The following PPP4R4 variants were observed in gnomAD, a reference collection of about 807,000 sequenced individuals.
PPP4R4 encodes protein phosphatase 4 regulatory subunit 4.
Under a neutral mutation model 121.8 loss-of-function variants are expected in PPP4R4, and 70 were observed. The observed-to-expected ratio is 0.57, with a 90% CI of 0.47 to 0.70. PPP4R4 has a LOEUF of 0.70. PPP4R4 is among the 30% of genes least tolerant of loss of function. The pLI is 0.00. For synonymous variants in PPP4R4, 348 were observed against 355.7 expected (o/e 0.98, Z 0.24); for missense variants, 875 against 1,033.6 (o/e 0.85, Z 2.10).
intron 14 of PPP4R4, among the ~76,000 whole-genome samples, chr14:94,248,226 A>G (rs2139590451): frequency 6.6e-6 from 1 of 152,322 alleles, no homozygotes; most frequent in East Asian, 1.9e-4. Context: ...TTCAGGTTGC[A>G]AAACCAGTGT....
At chr14:94,267,654 A>G (rs1404761396) in intron 23 of PPP4R4, among the ~76,000 whole-genome samples, 1 of 152,222 alleles carries the variant, frequency 6.6e-6, no homozygotes, top group Admixed American at 6.5e-5. Context: ...ACTATAAATA[A>G]TGTAGACTAT....
chr14:94,203,416 T>C (rs1890296529), intron 2 of PPP4R4, among the ~76,000 whole-genome samples: 1 of 152,190 alleles, frequency 6.6e-6, no homozygotes, highest in Non-Finnish European at 1.5e-5. Flanking sequence ...TTCCACAGTA[T>C]GGTGTACTAC....
chr14:94,241,987 G>A (rs376290327), intron 10 of PPP4R4, 30 bp downstream of exon 10: 1 of 1,538,122 alleles, frequency 6.5e-7, no homozygotes, highest in African/African-American at 1.4e-5. Flanking sequence ...ATTTACTGAG[G>A]ATTTTTATTA....
At chr14:94,208,939 T>C (rs1375014156) in intron 3 of PPP4R4, among the ~76,000 whole-genome samples, 1 of 151,892 alleles carries the variant, frequency 6.6e-6, no homozygotes, top group Non-Finnish European at 1.5e-5. Flanking sequence ...TGAGCTGATA[T>C]TCCTAATAAT....
chr14:94,252,915 AGC>A (rs1893262044), intron 16 of PPP4R4, among the ~76,000 whole-genome samples: 1 of 152,242 alleles, frequency 6.6e-6, no homozygotes, highest in Non-Finnish European at 1.5e-5. Context: ...TGAGATAATA[AGC>A]TAACTGAGAT....
intron 14 of PPP4R4, among the ~76,000 whole-genome samples, chr14:94,248,551 A>C (rs960142807): frequency 6.6e-6 from 1 of 152,206 alleles, no homozygotes; most frequent in African/African-American, 2.4e-5. Flanking sequence ...GAATTAAAAA[A>C]ATTATTTTAA....
intron 7 of PPP4R4, among the ~76,000 whole-genome samples, chr14:94,236,999 G>A (rs1380481103): frequency 6.6e-6 from 1 of 152,034 alleles, no homozygotes; most frequent in Non-Finnish European, 1.5e-5. Flanking sequence ...GAAACAAAAT[G>A]TTGAATACAA....
chr14:94,228,497 T>C (rs910424527), intron 3 of PPP4R4, among the ~76,000 whole-genome samples: 2 of 152,174 alleles, frequency 1.3e-5, no homozygotes, highest in Non-Finnish European at 2.9e-5. Flanking sequence ...GTCCAAATCA[T>C]GGTTATGGAG....
chr14:94,272,160 G>A (rs10400686), intron 23 of PPP4R4, among the ~76,000 whole-genome samples: 15,176 of 152,180 alleles, frequency 0.1, 819 homozygotes, highest in Middle Eastern at 0.16. Context: ...TCAACAAACT[G>A]TTGCGAAGTT....
intron 2 of PPP4R4, among the ~76,000 whole-genome samples, chr14:94,206,168 G>A (rs1251477377): frequency 6.6e-6 from 1 of 151,272 alleles, no homozygotes; most frequent in Non-Finnish European, 1.5e-5. Flanking sequence ...TACACACTTA[G>A]GTTTGCTATT....
chr14:94,247,005 A>G (rs954488311), intron 14 of PPP4R4, among the ~76,000 whole-genome samples: 1 of 152,150 alleles, frequency 6.6e-6, no homozygotes, highest in Non-Finnish European at 1.5e-5. Flanking sequence ...TTACTTTTAG[A>G]GTGTGGCAAT....
At chr14:94,259,198 C>T (rs564554287) in intron 18 of PPP4R4, 97 bp from the exon 19 acceptor site, 222 of 1,496,974 alleles carry the variant, frequency 1.5e-4, no homozygotes, top group Non-Finnish European at 1.6e-4. Context: ...GATGGGGACA[C>T]AGAGTCAAAC....
At chr14:94,220,109 C>T (rs995154569) in intron 3 of PPP4R4, among the ~76,000 whole-genome samples, 5 of 152,144 alleles carry the variant, frequency 3.3e-5, no homozygotes, top group Non-Finnish European at 7.4e-5. Context: ...GTAATCCCAG[C>T]TACTCAGGAA....
intron 12 of PPP4R4, among the ~76,000 whole-genome samples, chr14:94,245,356 C>G (rs1161817186): frequency 1.3e-5 from 2 of 151,988 alleles, no homozygotes; most frequent in Non-Finnish European, 2.9e-5. Flanking sequence ...ACTATTTGGA[C>G]AATGTCAAGA....
intron 23 of PPP4R4, among the ~76,000 whole-genome samples, chr14:94,274,911 G>T (rs1894551253): frequency 6.6e-6 from 1 of 152,060 alleles, no homozygotes; most frequent in Non-Finnish European, 1.5e-5. Flanking sequence ...CAGATATTAT[G>T]GGTAAACAAA....
rs116458729 is a variant in PPP4R4, at chr14:94,245,603, T to C, written c.1361T>C (p.Ile454Thr). The change falls in exon 13 of 25, where the codon ATA becomes ACA. Residue 454 changes from isoleucine to threonine, a missense_variant. Coordinates refer to ENST00000304338, the MANE Select transcript of PPP4R4 (RefSeq NM_058237.2). The part of the protein sequence containing the change: ...DESLEVLDAL[I>T]DHLPEILELM... ...TGTTAAAAGGTACTAGATGCTCTTATAGATCATCTTCCAGAAATCTTGGAA... is the reference window on the plus strand; with the variant it reads ...TGTTAAAAGGTACTAGATGCTCTTACAGATCATCTTCCAGAAATCTTGGAA... 3.2e-6 allele frequency: 5 copies of C among 1,584,902 alleles called. No homozygotes were observed. In the African/African-American group the frequency reaches 4.0e-5, roughly 13 times the overall value.
chr14:94,276,682 TC>T (rs1350956885), intron 24 of PPP4R4, among the ~76,000 whole-genome samples: 3 of 152,126 alleles, frequency 2.0e-5, no homozygotes, highest in Non-Finnish European at 4.4e-5. Context: ...CCAGGCCTCA[TC>T]TCCAGCATTG....
chr14:94,235,122 A>T (rs1012831014), intron 7 of PPP4R4, among the ~76,000 whole-genome samples: 3 of 152,158 alleles, frequency 2.0e-5, no homozygotes, highest in African/African-American at 7.2e-5. Flanking sequence ...GTTTAAAATC[A>T]TCTCTAGATG....
intron 2 of PPP4R4, among the ~76,000 whole-genome samples, chr14:94,191,077 C>T (rs1454713027): frequency 6.6e-6 from 1 of 152,076 alleles, no homozygotes; most frequent in Non-Finnish European, 1.5e-5. Context: ...TAATATGGAA[C>T]AAATCCAAGA....
Sources: allele counts gnomAD v4.1 joint callset (sites outside exome capture counted in the v4.1 genomes callset), GRCh38; gene constraint gnomAD v4.1.1; transcripts MANE v1.5; gene names NCBI Gene and HGNC (gene_info 2026-07-23, HGNC 2026-07-21).